MUC5B: variants seen among roughly 807,000 people sequenced by gnomAD.
The protein encoded by MUC5B is mucin-5B.
MUC5B carries 116 observed loss-of-function variants against 376.9 expected under a neutral mutation model. The ratio of observed to expected loss-of-function variants is 0.31; its 90% CI spans 0.26 to 0.36. The LOEUF (loss-of-function observed/expected upper bound fraction) is 0.36, where lower values mean the gene tolerates loss of function less well. Ranked by LOEUF, MUC5B falls within the 10% of genes least tolerant of loss-of-function variation. The pLI, the probability that MUC5B is intolerant of heterozygous loss-of-function variation, is 1.00. For synonymous variants in MUC5B, 3,517 were observed against 3,390.9 expected (o/e 1.04, Z -1.29); for missense variants, 7,165 against 7,769.9 (o/e 0.92, Z 2.93).
At position 1,235,365 on chromosome 11, in the gene MUC5B, T is replaced by C. The variant is rs1197996562; in HGVS notation, c.2832T>C (p.Cys944=). ...GCATCGTCACCGAGAACATCCCCTG[T>C]GGGACCACCGGCACCACCTGCTCCA... ...TFRIVTENIP[C]GTTGTTCSKA... The change falls in exon 23 of 49, where the codon TGT becomes TGC. Residue 944 remains cysteine (C), a synonymous_variant. Coordinates refer to ENST00000529681, the MANE Select transcript of MUC5B (RefSeq NM_002458.3). 1.9e-6 allele frequency: 3 copies of C among 1,611,248 alleles called. No individual in the cohort carries two copies. The highest frequency in any genetic ancestry group is 2.7e-5 in the African/African-American group (2 of 74,406).
chr11:1,240,117 C>A (rs375493353), intron 29 of MUC5B, 29 bp downstream of exon 29: 21 of 1,562,018 alleles, frequency 1.3e-5, no homozygotes, highest in East Asian at 2.3e-5. Flanking sequence ...GTTAGTGGGC[C>A]GGTGAAGGCT....
In MUC5B at chr11:1,235,231, G is replaced by A. The variant is rs771601782; in HGVS notation, c.2769+8G>A. 6.2e-6 allele frequency: 10 copies of A among 1,611,870 alleles called. No homozygotes were observed. Among genetic ancestry groups the A allele is most frequent in the Admixed American group, 5.0e-5 (3 of 59,946 alleles). On this transcript the variant is annotated splice_region_variant and intron_variant, in intron 22 of 48. Coordinates refer to ENST00000529681, the MANE Select transcript of MUC5B (RefSeq NM_002458.3). ...GAGTACATCTTGGCCCAGGTACGCCGCCCCCTCGCCCACTCCTGCAGGCCG... is the reference window on the plus strand; with the variant it reads ...GAGTACATCTTGGCCCAGGTACGCCACCCCCTCGCCCACTCCTGCAGGCCG...
rs1862778140 is a variant in MUC5B, at chr11:1,254,351, G to A, written c.15477G>A (p.Leu5159=). 2.5e-6 allele frequency: 4 copies of A among 1,600,384 alleles called. No homozygotes were observed. Among genetic ancestry groups the A allele is most frequent in the Non-Finnish European group, 1.7e-6 (2 of 1,179,342 alleles). ...VTMVHGKEEG[L]ILFDQIPVSS... The stretch of plus-strand genomic sequence containing the variant: ...TGGTGCATGGGAAGGAGGAGGGCCT[G>A]GTGAGTCCAGGCTGCGGGTGGCACA... Residue 5159 remains leucine (L), a splice_region_variant and synonymous_variant, in exon 34 of 49, where the codon CTG becomes CTA. Transcript: ENST00000529681.
Position 1,258,107 on chromosome 11 carries a change from A to G in MUC5B, c.16459A>G (p.Thr5487Ala). 1 of 1,586,226 alleles carries G rather than the reference A, an allele frequency of 6.3e-7. No individual in the cohort carries two copies. The highest frequency in any genetic ancestry group is 8.6e-7 in the Non-Finnish European group (1 of 1,168,598). ...CCTCCATCCTCCCGCAGTGTGCAAC[A>G]CAACCACCTGCCCCCAGAGCCTGCC... is the stretch of plus-strand genomic sequence containing the variant. ...CCPETVCVCNTTTCPQSLPVC... is the reference protein window; with the variant it reads ...CCPETVCVCNATTCPQSLPVC... Residue 5487 changes from threonine (T) to alanine (A), a missense_variant, in exon 42 of 49, where the codon ACA becomes GCA. This residue lies in a region of MUC5B where 842 missense variants were observed against 1,016.9 expected (regional missense o/e 0.83). Coordinates refer to ENST00000529681, the MANE Select transcript of MUC5B (RefSeq NM_002458.3). This position sits in a 1 kb window ranked among gnomAD's most constrained non-coding sequence, Gnocchi z 5.5.
chr11:1,241,774 C>A lies in MUC5B; in HGVS notation c.4894C>A (p.Gln1632Lys). ...TTTQALFSTP[Q>K]PTSSPGLTRA... ...CACCCAGGCCCTGTTCTCAACGCCG[C>A]AGCCTACGAGTAGCCCGGGGCTGAC... Residue 1632 changes from glutamine to lysine, a missense_variant, in exon 31 of 49, where the codon CAG becomes AAG. Gln to Lys is a moderately conservative substitution (Grantham distance 53). Transcript: ENST00000529681. The A allele has an allele frequency of 6.2e-7, 1 of 1,612,384 alleles. No individual in the cohort carries two copies. Among genetic ancestry groups the A allele is most frequent in the East Asian group, 2.2e-5 (1 of 44,828 alleles).
Position 1,262,084 on chromosome 11 carries a change from C to A in MUC5B, c.*476C>A. The A allele has an allele frequency of 1.9e-6, 1 of 530,586 alleles. No homozygotes were observed. The allele number at this position is 530,586 out of a possible 1,614,324, so 32.9% of individuals were successfully genotyped here. ...GCAGGGTAACTCAGGGCTGAGGTCG[C>A]AACGGCCAGGTCAGAGAGGGGTCAG... On this transcript the variant is annotated 3_prime_UTR_variant, in exon 49 of 49. Transcript: ENST00000529681.
In MUC5B at chr11:1,242,426, G is replaced by A; in HGVS notation, c.5546G>A (p.Cys1849Tyr). Residue 1849 changes from cysteine to tyrosine, a missense_variant, in exon 31 of 49, where the codon TGC becomes TAC. Cys to Tyr is a radical substitution (Grantham distance 194, BLOSUM62 -2). Coordinates refer to ENST00000529681, the MANE Select transcript of MUC5B (RefSeq NM_002458.3). Reference protein sequence around the residue: ...SIDQVGQVLTCSLETGLTCKN... With the variant: ...SIDQVGQVLTYSLETGLTCKN... ...GACCAGGTCGGGCAGGTGCTGACCTGCAGCCTGGAGACGGGGCTGACCTGC... is the reference window on the plus strand; with the variant it reads ...GACCAGGTCGGGCAGGTGCTGACCTACAGCCTGGAGACGGGGCTGACCTGC... The A allele has an allele frequency of 6.2e-7, 1 of 1,613,816 alleles. No individual in the cohort carries two copies. Among genetic ancestry groups the A allele is most frequent in the Non-Finnish European group, 8.5e-7 (1 of 1,179,828 alleles).
chr11:1,252,641 C>T (rs1271701993), intron 32 of MUC5B, 117 bp downstream of exon 32: 3 of 1,375,782 alleles, frequency 2.2e-6, no homozygotes, highest in Non-Finnish European at 2.9e-6. Context: ...GCCAGTATCT[C>T]CAGTTGGAGG....
intron 12 of MUC5B, 51 bp from the exon 13 acceptor site, chr11:1,230,885 C>T (rs916988054): frequency 3.4e-5 from 52 of 1,547,876 alleles, no homozygotes; most frequent in African/African-American, 1.1e-4. Flanking sequence ...ATTTGAGAGT[C>T]GGGAATGGGT....
rs1279218242 is a variant in MUC5B at position 1,235,487 on chromosome 11, G to A, written c.2880+74G>A. On this transcript the variant is annotated intron_variant, in intron 23 of 48. Transcript: ENST00000529681. ...CCGGCCCCCAGGGAAGCTTCGTGAG[G>A]CTTTAGCTGCACCCACAGGTTCTCA... The A allele has an allele frequency of 2.4e-6, 3 of 1,274,054 alleles. No homozygotes were observed. In the Admixed American group the frequency reaches 5.8e-5, roughly 25 times the overall value. 78.9% of individuals were successfully genotyped at this position (1,274,054 alleles called of 1,614,324 possible). A position where few individuals can be genotyped will look rare whatever the true frequency, so the allele number is the denominator to read the frequency against.
intron 17 of MUC5B, 48 bp downstream of exon 17, chr11:1,232,818 G>C: frequency 6.5e-7 from 1 of 1,533,360 alleles, no homozygotes; most frequent in Non-Finnish European, 8.8e-7. Flanking sequence ...GCGTGGGGGT[G>C]CGGGGGACCC....
Position 1,252,802 on chromosome 11 carries a change from GCC to G in MUC5B, c.15046-4_15046-3del. On this transcript the variant is annotated splice_region_variant and splice_polypyrimidine_tract_variant and intron_variant, in intron 32 of 48. Transcript: ENST00000529681. The stretch of plus-strand genomic sequence containing the variant: ...CCAGGTGAGGACGTGCATGTTCCCT[GCC>G]CCAGGTGAATGAGACCTGGACCCTG... 1 of 1,601,364 alleles carries G rather than the reference GCC, an allele frequency of 6.2e-7. No homozygotes were observed. The highest frequency in any genetic ancestry group is 8.5e-7 in the Non-Finnish European group (1 of 1,174,824).
rs371393707 is a variant in MUC5B, at chr11:1,232,172, C to T, written c.1843+12C>T. 8.9e-6 allele frequency: 14 copies of T among 1,573,922 alleles called. No individual in the cohort carries two copies. The African/African-American group carries it at 1.9e-4, about 21-fold the overall frequency. On this transcript the variant is annotated intron_variant, in intron 15 of 48. Transcript: ENST00000529681. ...CAGTGTGGAGAATGGTACTCCTCGC[C>T]CCCACCCCCACAGTCACCCCAGGCT...
At chr11:1,254,490 G>A (rs966373044) in intron 34 of MUC5B, 139 bp downstream of exon 34, 33 of 1,352,568 alleles carry the variant, frequency 2.4e-5, no homozygotes, top group Non-Finnish European at 3.1e-5. Context: ...GGGAAGGCCT[G>A]TGGAGCCGCC....
In MUC5B at chr11:1,232,456, A is replaced by ACG; in HGVS notation, c.1852_1853dup (p.Arg619ProfsTer8). 1 of 1,605,372 alleles carries ACG rather than the reference A, an allele frequency of 6.2e-7. No homozygotes were observed. The highest frequency in any genetic ancestry group is 8.5e-7 in the Non-Finnish European group (1 of 1,176,874). ...GGTCAGGTCTTCCCCACAGAGAACT[A>ACG]CGCCCGGCACTGGTGCTCGCGCCTG... On this transcript the variant is annotated frameshift_variant, in exon 16 of 49. Transcript: ENST00000529681. LOFTEE classifies it high-confidence loss of function.
Position 1,227,694 on chromosome 11 carries a change from C to T in MUC5B, c.687C>T (p.Leu229=), listed in dbSNP as rs762298481. The T allele has an allele frequency of 8.3e-6, 6 of 722,396 alleles. No homozygotes were observed. The highest frequency in any genetic ancestry group is 1.5e-5 in the Non-Finnish European group (6 of 387,970). 44.7% of individuals were successfully genotyped at this position (722,396 alleles called of 1,614,324 possible). The part of the protein sequence containing the change: ...FYAHNARLTP[L]QFGNLQKLDG... ...CGGCAGACGCCAGGCTGACCCCGCTCCAGTTTGGGAACCTGCAGAAGTTGG... is the reference window on the plus strand; with the variant it reads ...CGGCAGACGCCAGGCTGACCCCGCTTCAGTTTGGGAACCTGCAGAAGTTGG... Residue 229 remains leucine, a synonymous_variant, in exon 7 of 49, where the codon CTC becomes CTT. Transcript: ENST00000529681.
At position 1,230,959 on chromosome 11, in the gene MUC5B, C is replaced by T. The variant is rs373695966; in HGVS notation, c.1494C>T (p.Gly498=). ...AGGCCATCCGGGTCCAAGCGGACGG[C>T]GGCGTGTTCCTCAACTCCATCTACA... The part of the protein sequence containing the change: ...GDTAIRVQAD[G]GVFLNSIYTQ... The change falls in exon 13 of 49, where the codon GGC becomes GGT. Residue 498 remains glycine (G), a synonymous_variant. Coordinates refer to ENST00000529681, the MANE Select transcript of MUC5B (RefSeq NM_002458.3). 1.3e-4 allele frequency: 213 copies of T among 1,595,876 alleles called. 1 individual carries two copies. Among genetic ancestry groups the T allele is most frequent in the Non-Finnish European group, 1.7e-4 (200 of 1,172,790 alleles).
At position 1,243,566 on chromosome 11, in the gene MUC5B, A is replaced by C; in HGVS notation, c.6686A>C (p.Glu2229Ala). The C allele has an allele frequency of 1.2e-6, 2 of 1,607,508 alleles. No individual in the cohort carries two copies. Among genetic ancestry groups the C allele is most frequent in the Non-Finnish European group, 1.7e-6 (2 of 1,178,110 alleles). ...ATCTTGGGCACCACCCACATCACAG[A>C]GCCTTCCACGGTGACTTCCCACACC... The part of the protein sequence containing the change: ...SGILGTTHIT[E>A]PSTVTSHTLA... The change falls in exon 31 of 49, where the codon GAG (glutamate) becomes GCG (alanine). Residue 2229 changes from glutamate to alanine, a missense_variant. Glu to Ala is a moderately radical substitution (Grantham distance 107). Around this residue, in one of 31 missense-constraint regions of MUC5B, gnomAD observed 67 missense variants for 103.0 expected, o/e 0.65. Coordinates refer to ENST00000529681, the MANE Select transcript of MUC5B (RefSeq NM_002458.3).
rs371306120 is a variant in MUC5B, at chr11:1,241,818, C to T, written c.4938C>T (p.Ser1646=). The change falls in exon 31 of 49, where the codon AGC becomes AGT. Residue 1646 remains serine, a synonymous_variant. Coordinates refer to ENST00000529681, the MANE Select transcript of MUC5B (RefSeq NM_002458.3). ...SPGLTRAPPA[S]TTAVPTLSEG... is the part of the protein sequence containing the mutation. ...GGCTGACCAGGGCTCCCCCGGCCAG[C>T]ACCACAGCAGTCCCCACCCTCTCAG... 6.2e-7 allele frequency: 1 copy of T among 1,612,966 alleles called. No homozygotes were observed. The highest frequency in any genetic ancestry group is 1.3e-5 in the African/African-American group (1 of 74,862).
Sources: allele counts gnomAD v4.1 joint callset, GRCh38; gene constraint gnomAD v4.1.1; regional missense constraint gnomAD v4.1.1; non-coding constraint Gnocchi (gnomAD v3.1); transcripts MANE v1.5; gene names NCBI Gene and HGNC (gene_info 2026-07-23, HGNC 2026-07-21).